Variants in FHOD3 observed in about 807,000 individuals in gnomAD.
FHOD3 encodes the protein FH1/FH2 domain-containing protein 3.
FHOD3 carries 90 observed loss-of-function variants against 173.0 expected under a neutral mutation model. The observed-to-expected ratio is 0.52, with a 90% CI of 0.44 to 0.62. FHOD3 has a LOEUF of 0.62. FHOD3 is among the 20% of genes least tolerant of loss of function. The probability of loss-of-function intolerance (pLI) is 0.00; values close to 1 mark genes in which losing one functional copy is unlikely to be tolerated. For missense variants in FHOD3, 1,945 were observed against 2,034.7 expected, an observed-to-expected ratio of 0.96 and a Z score of 0.85; for synonymous variants, 828 against 823.0, an observed-to-expected ratio of 1.01 and a Z score of -0.10.
chr18:36,615,069 C>G lies in FHOD3; in HGVS notation c.957+2974C>G, dbSNP rs2033076176. Among the ~76,000 whole-genome samples, 5 of 152,108 alleles carry G rather than the reference C, an allele frequency of 3.3e-5. No homozygotes were observed. In the South Asian group the frequency reaches 1.0e-3, roughly 32 times the overall value. ...TTCTCCATGTTGGTCAGGCTGGTCT[C>G]AAACTCCCGACCTCAGGTGATCCAC... On this transcript the variant is annotated intron_variant, in intron 9 of 28. Transcript: ENST00000590592.
intron 10 of FHOD3, among the ~76,000 whole-genome samples, chr18:36,633,090 G>T (rs1294653479): frequency 1.3e-5 from 2 of 152,184 alleles, no homozygotes; most frequent in African/African-American, 4.8e-5. Flanking sequence ...CTTGGGAGGG[G>T]CTGCGTGTGC....
chr18:36,580,244 C>T (rs773477154), intron 6 of FHOD3, among the ~76,000 whole-genome samples: 9 of 152,278 alleles, frequency 5.9e-5, no homozygotes, highest in Non-Finnish European at 1.2e-4. Context: ...TCTTCAGGGC[C>T]TCTGTCTAAG....
At chr18:36,757,189 G>T (rs2042666588) in intron 25 of FHOD3, among the ~76,000 whole-genome samples, 1 of 152,164 alleles carries the variant, frequency 6.6e-6, no homozygotes, top group Admixed American at 6.5e-5. Context: ...TCTAGAGTTT[G>T]ATTCAAAAAT....
intron 3 of FHOD3, among the ~76,000 whole-genome samples, chr18:36,461,969 G>A (rs570942318): frequency 1.3e-5 from 2 of 152,344 alleles, no homozygotes; most frequent in Non-Finnish European, 2.9e-5. Context: ...TGGACAGGAA[G>A]ATCTTGAAGA....
intron 2 of FHOD3, among the ~76,000 whole-genome samples, chr18:36,371,300 C>T (rs940847137): frequency 3.9e-5 from 6 of 152,226 alleles, no homozygotes; most frequent in South Asian, 4.2e-4. Context: ...AAGATATACT[C>T]GAGACTGGGT....
Position 36,693,443 on chromosome 18 carries a change from A to G in FHOD3, c.2236+20A>G. 1.2e-6 allele frequency: 2 copies of G among 1,605,278 alleles called. No individual in the cohort carries two copies. Among genetic ancestry groups the G allele is most frequent in the Non-Finnish European group, 1.7e-6 (2 of 1,173,764 alleles). On this transcript the variant is annotated intron_variant, in intron 17 of 28. Transcript: ENST00000590592. ...CCCAAGGTGAGTACAGGGAGAGTAGAGGGAAAATGAACAGGTTAACATCAG... is the reference window on the plus strand; with the variant it reads ...CCCAAGGTGAGTACAGGGAGAGTAGGGGGAAAATGAACAGGTTAACATCAG...
intron 27 of FHOD3, among the ~76,000 whole-genome samples, chr18:36,763,838 C>G (rs967663972): frequency 3.9e-5 from 6 of 151,986 alleles, no homozygotes; most frequent in Non-Finnish European, 8.8e-5. Context: ...AGCCTTGATC[C>G]CCAGACACCC....
intron 10 of FHOD3, among the ~76,000 whole-genome samples, chr18:36,625,986 T>C (rs2034076988): frequency 6.6e-6 from 1 of 152,196 alleles, no homozygotes; most frequent in African/African-American, 2.4e-5. Context: ...GTTTTTCAGC[T>C]ACCTGTTTTT....
intron 22 of FHOD3, 65 bp from the exon 23 acceptor site, chr18:36,743,967 A>G: frequency 6.4e-7 from 1 of 1,569,128 alleles, no homozygotes; most frequent in Non-Finnish European, 8.7e-7. Flanking sequence ...ATTGATCCTA[A>G]CCATCCTGTG....
chr18:36,323,003 A>G lies in FHOD3; in HGVS notation c.165+25003A>G, dbSNP rs566855912. The stretch of plus-strand genomic sequence containing the variant: ...CTGTTTTATGCAGCATAACAGCTCA[A>G]AAATGGCCTTTGAATCCCACAGACA... On this transcript the variant is annotated intron_variant, in intron 1 of 28. Coordinates refer to ENST00000590592, the MANE Select transcript of FHOD3 (RefSeq NM_001281740.3). Among the ~76,000 whole-genome samples, 34 of 152,326 alleles carry G rather than the reference A, an allele frequency of 2.2e-4. No homozygotes were observed. The East Asian group carries it at 6.2e-3, about 28-fold the overall frequency.
chr18:36,654,664 G>C (rs114559855), intron 13 of FHOD3, among the ~76,000 whole-genome samples: 3,637 of 152,084 alleles, frequency 0.024, 157 homozygotes, highest in African/African-American at 0.084. Context: ...TTCTCAGGTG[G>C]GCACGTAGAC....
intron 22 of FHOD3, among the ~76,000 whole-genome samples, chr18:36,743,350 AT>A (rs1568712875): frequency 7.0e-6 from 1 of 142,816 alleles, no homozygotes; most frequent in Non-Finnish European, 1.5e-5. Context: ...ATCAGGGCCG[AT>A]TTATTTCAAT....
At position 36,358,709 on chromosome 18, in the gene FHOD3, T is replaced by C. The variant is rs568107698; in HGVS notation, c.272+3064T>C. Among the ~76,000 whole-genome samples the C allele has an allele frequency of 7.9e-5, 12 of 152,326 alleles. No homozygotes were observed. In the East Asian group the frequency reaches 2.3e-3, roughly 29 times the overall value. ...TTAATTATTTTTGATAGGGTCTTTC[T>C]TTGTCACCCAGGCTGGAGTGCAGTG... On this transcript the variant is annotated intron_variant, in intron 2 of 28. Transcript: ENST00000590592.
intron 10 of FHOD3, 32 bp downstream of exon 10, chr18:36,625,781 C>T: frequency 6.5e-7 from 1 of 1,543,296 alleles, no homozygotes; most frequent in Non-Finnish European, 8.8e-7. Context: ...GAGAGGGGTG[C>T]AAGGATGCCA....
chr18:36,647,643 TAC>T, intron 10 of FHOD3, among the ~76,000 whole-genome samples: 1 of 152,346 alleles, frequency 6.6e-6, no homozygotes, highest in South Asian at 2.1e-4. Flanking sequence ...AGACATGTAC[TAC>T]ACTGTTTATG....
chr18:36,360,877 C>G (rs2145856595), intron 2 of FHOD3, among the ~76,000 whole-genome samples: 1 of 152,346 alleles, frequency 6.6e-6, no homozygotes, highest in South Asian at 2.1e-4. Flanking sequence ...CCCATTCACA[C>G]ATTTGTCCAG....
chr18:36,359,299 C>A (rs1456801861), intron 2 of FHOD3, among the ~76,000 whole-genome samples: 2 of 152,190 alleles, frequency 1.3e-5, no homozygotes, highest in African/African-American at 4.8e-5. Flanking sequence ...TATGCCAAGA[C>A]TAAAAATTAA....
At chr18:36,526,506 A>T (rs958231951) in intron 5 of FHOD3, among the ~76,000 whole-genome samples, 7 of 151,916 alleles carry the variant, frequency 4.6e-5, no homozygotes, top group African/African-American at 1.7e-4. Flanking sequence ...GCTCACTGCA[A>T]CCTCCGCCTC....
Position 36,297,786 on chromosome 18 carries a change from C to T in FHOD3, c.-50C>T, listed in dbSNP as rs1445901193. 3.0e-5 allele frequency: 44 copies of T among 1,452,410 alleles called. No homozygotes were observed. The highest frequency in any genetic ancestry group is 3.9e-5 in the Non-Finnish European group (43 of 1,096,590). 90.0% of individuals were successfully genotyped at this position (1,452,410 alleles called of 1,614,324 possible). A position where few individuals can be genotyped will look rare whatever the true frequency, so the allele number is the denominator to read the frequency against. Reference sequence around the variant, plus strand: ...CGCGCAGCTACCCGGGCGTCCCGGCCCGCGGCCCCGCTAACCCCGGGGCCC... The same window carrying T: ...CGCGCAGCTACCCGGGCGTCCCGGCTCGCGGCCCCGCTAACCCCGGGGCCC... On this transcript the variant is annotated 5_prime_UTR_variant, in exon 1 of 29. Transcript: ENST00000590592.
Sources: allele counts gnomAD v4.1 joint callset (sites outside exome capture counted in the v4.1 genomes callset), GRCh38; gene constraint gnomAD v4.1.1; transcripts MANE v1.5; gene names NCBI Gene and HGNC (gene_info 2026-07-23, HGNC 2026-07-21).